GREB1: variants seen among roughly 807,000 people sequenced by gnomAD.
GREB1 encodes growth regulating estrogen receptor binding 1.
In GREB1, 106 loss-of-function variants were observed where a neutral mutation model predicts 200.7. The ratio of observed to expected loss-of-function variants is 0.53; its 90% confidence interval spans 0.45 to 0.62. The LOEUF (loss-of-function observed/expected upper bound fraction) is 0.62. Among genes scored for constraint, GREB1 ranks in the 20% least tolerant of loss-of-function variants. GREB1 has a pLI of 0.00. For synonymous variants in GREB1, 1,132 were observed against 1,092.4 expected, an observed-to-expected ratio of 1.04 and a Z score of -0.72; for missense variants, 2,243 against 2,556.8, an observed-to-expected ratio of 0.88 and a Z score of 2.65.
At position 11,618,555 on chromosome 2, in the gene GREB1, G is replaced by T. The variant is rs761865834; in HGVS notation, c.3680G>T (p.Gly1227Val). ...TGCTCCCAGCTGTCCTCCTCCTCGG[G>T]CTCATCCTCCTCATCCGTGGCGCCC... ...SSCSQLSSSS[G>V]SSSSSVAPAA... Residue 1227 changes from glycine (G) to valine (V), a missense_variant, in exon 22 of 33, where the codon GGC becomes GTC. Transcript: ENST00000381486. 34 of 1,612,576 alleles carry T rather than the reference G, an allele frequency of 2.1e-5. No individual in the cohort carries two copies. Among genetic ancestry groups the T allele is most frequent in the Non-Finnish European group, 3.4e-6 (4 of 1,179,812 alleles).
chr2:11,562,467 T>C lies in GREB1; in HGVS notation c.162T>C (p.Gly54=), dbSNP rs754040548. ...CACTCTTCTTCCCGCATCTAGGTGGTAGCCGAGTGGACAATGAGGAAGAGG... is the reference window on the plus strand; with the variant it reads ...CACTCTTCTTCCCGCATCTAGGTGGCAGCCGAGTGGACAATGAGGAAGAGG... The part of the protein sequence containing the change: ...AEQQLAALEG[G]SRVDNEEEEE... Residue 54 remains glycine (G), a synonymous_variant, in exon 3 of 33, where the codon GGT becomes GGC. Coordinates refer to ENST00000381486, the MANE Select transcript of GREB1 (RefSeq NM_014668.4). 3.7e-6 allele frequency: 6 copies of C among 1,611,788 alleles called. No homozygotes were observed. The East Asian group carries it at 9.0e-5, about 24-fold the overall frequency.
rs1677657706 is a variant in GREB1, at chr2:11,566,418, C to T, written c.278-62C>T. 6.6e-6 allele frequency: 10 copies of T among 1,504,784 alleles called. No individual in the cohort carries two copies. In the South Asian group the frequency reaches 1.0e-4, roughly 16 times the overall value. 93.2% of individuals were successfully genotyped at this position (1,504,784 alleles called of 1,614,324 possible). On this transcript the variant is annotated intron_variant, in intron 3 of 32. Transcript: ENST00000381486. ...AGACCCAGAACGTTTCCTCCCTTTG[C>T]CCCTGTGACCCCGCTTCTGGGAAGC...
In GREB1 at chr2:11,578,219, C is replaced by T. The variant is rs112559433; in HGVS notation, c.638-78C>T. On this transcript the variant is annotated intron_variant, in intron 5 of 32. Coordinates refer to ENST00000381486, the MANE Select transcript of GREB1 (RefSeq NM_014668.4). ...CCATAGCTCACTGTCCTGTAGGACACGTTCCACTCCAGGAACTCATTTCGT... is the reference window on the plus strand; with the variant it reads ...CCATAGCTCACTGTCCTGTAGGACATGTTCCACTCCAGGAACTCATTTCGT... 1.4e-4 allele frequency: 209 copies of T among 1,474,122 alleles called. 2 individuals carry two copies. Among genetic ancestry groups the T allele is most frequent in the Middle Eastern group, 8.8e-4 (5 of 5,662 alleles). 91.3% of individuals were successfully genotyped at this position (1,474,122 alleles called of 1,614,324 possible). A position where few individuals can be genotyped will look rare whatever the true frequency, so the allele number is the denominator to read the frequency against.
chr2:11,577,596 G>A (rs1679006839), intron 5 of GREB1, among the ~76,000 whole-genome samples: 2 of 152,220 alleles, frequency 1.3e-5, no homozygotes, highest in African/African-American at 4.8e-5. Flanking sequence ...CCTGCCATGG[G>A]TGGAGGGCAA....
chr2:11,605,144 CT>C (rs3035991), intron 17 of GREB1, among the ~76,000 whole-genome samples: 590 of 44,702 alleles, frequency 0.013, 2 homozygotes, highest in Middle Eastern at 0.033. Flanking sequence ...GAGCCTGCTT[CT>C]TTTTTTTTTT....
chr2:11,549,544 A>G (rs1329224629), intron 1 of GREB1, among the ~76,000 whole-genome samples: 3 of 152,246 alleles, frequency 2.0e-5, no homozygotes, highest in Admixed American at 1.3e-4. Context: ...ACTTCAGCTT[A>G]ATGCTATAGT....
chr2:11,620,649 T>TA (rs1683926102), intron 22 of GREB1, among the ~76,000 whole-genome samples: 1 of 152,206 alleles, frequency 6.6e-6, no homozygotes. Flanking sequence ...TCTAACAGCT[T>TA]AAAAATGCGG....
chr2:11,582,341 C>T (rs530374877), intron 7 of GREB1, among the ~76,000 whole-genome samples: 2 of 152,330 alleles, frequency 1.3e-5, no homozygotes, highest in South Asian at 2.1e-4. Context: ...GAACACGAGC[C>T]GTTCCAGAAT....
chr2:11,510,797 C>T (rs980678324), intron 1 of GREB1, among the ~76,000 whole-genome samples: 5 of 151,204 alleles, frequency 3.3e-5, no homozygotes, highest in African/African-American at 1.2e-4. Context: ...TCAAGCAGTC[C>T]GAGTAGCTGG....
intron 20 of GREB1, among the ~76,000 whole-genome samples, chr2:11,616,313 C>T (rs1024382582): frequency 1.3e-5 from 2 of 152,242 alleles, no homozygotes; most frequent in Non-Finnish European, 1.5e-5. Context: ...CGGCCAGATG[C>T]CCCCCTCTTC....
At chr2:11,500,835 C>A (rs1673018058) in intron 1 of GREB1, among the ~76,000 whole-genome samples, 1 of 152,178 alleles carries the variant, frequency 6.6e-6, no homozygotes, top group African/African-American at 2.4e-5. Flanking sequence ...CCAACTGCGG[C>A]ATTTCTGTGA....
intron 26 of GREB1, 49 bp downstream of exon 26, chr2:11,630,158 G>A (rs1469502956): frequency 6.3e-7 from 1 of 1,578,782 alleles, no homozygotes; most frequent in Non-Finnish European, 8.7e-7. Context: ...CTTCAACTGG[G>A]GACTGAGCCG....
At chr2:11,571,464 G>A (rs1272852758) in intron 4 of GREB1, among the ~76,000 whole-genome samples, 1 of 152,218 alleles carries the variant, frequency 6.6e-6, no homozygotes, top group Non-Finnish European at 1.5e-5. Flanking sequence ...CCTTGGGGCT[G>A]CAGGTTTGCC....
At chr2:11,567,831 C>T (rs547504054) in intron 4 of GREB1, among the ~76,000 whole-genome samples, 12 of 152,284 alleles carry the variant, frequency 7.9e-5, no homozygotes, top group African/African-American at 2.6e-4. Context: ...ACTGAGAGCC[C>T]GGGGATCTGG....
intron 1 of GREB1, among the ~76,000 whole-genome samples, chr2:11,554,271 A>G (rs1238551242): frequency 6.6e-6 from 1 of 152,200 alleles, no homozygotes; most frequent in Non-Finnish European, 1.5e-5. Context: ...GCAGAGGCTG[A>G]CCAAGGGGCC....
intron 3 of GREB1, chr2:11,562,784 G>T: frequency 2.1e-6 from 1 of 479,118 alleles, no homozygotes; most frequent in Non-Finnish European, 3.6e-6. Flanking sequence ...GAGCTCCAGA[G>T]ACACCATCCT....
At chr2:11,501,560 A>G (rs1673037514) in intron 1 of GREB1, among the ~76,000 whole-genome samples, 1 of 151,912 alleles carries the variant, frequency 6.6e-6, no homozygotes, top group African/African-American at 2.4e-5. Flanking sequence ...TGCCCGGCTA[A>G]TTTTTGTATT....
At chr2:11,615,052 G>T in intron 19 of GREB1, 39 bp from the exon 20 acceptor site, 1 of 1,498,066 alleles carries the variant, frequency 6.7e-7, no homozygotes, top group Non-Finnish European at 9.3e-7. Context: ...TCCACTTGTG[G>T]AAGGCACTAA....
At chr2:11,578,694 C>A (rs1273116107) in intron 6 of GREB1, among the ~76,000 whole-genome samples, 1 of 152,078 alleles carries the variant, frequency 6.6e-6, no homozygotes, top group Non-Finnish European at 1.5e-5. Context: ...CTCTGCAGCA[C>A]CCCCCACCCC....
Sources: allele counts gnomAD v4.1 joint callset (sites outside exome capture counted in the v4.1 genomes callset), GRCh38; gene constraint gnomAD v4.1.1; transcripts MANE v1.5; gene names NCBI Gene and HGNC (gene_info 2026-07-23, HGNC 2026-07-21).